APBB2: variants seen among roughly 807,000 people sequenced by gnomAD.
The protein encoded by APBB2 is Fe65-like 1.
Under a neutral mutation model 82.5 loss-of-function variants are expected in APBB2, and 38 were observed. The ratio of observed to expected loss-of-function variants is 0.46; its 90% confidence interval spans 0.36 to 0.60. The LOEUF (loss-of-function observed/expected upper bound fraction) is 0.60, where lower values mean the gene tolerates loss of function less well. Among genes scored for constraint, APBB2 ranks in the 20% least tolerant of loss-of-function variants. The pLI, the probability that APBB2 is intolerant of heterozygous loss-of-function variation, is 0.00. For missense variants in APBB2, 772 were observed against 972.3 expected (o/e 0.79, Z 2.74); for synonymous variants, 341 against 368.2 (o/e 0.93, Z 0.85).
rs1772616138 is a variant in APBB2, at chr4:40,893,318, GC to G, written c.1347del (p.Arg449SerfsTer25). ...ATGTCATTTTTGCAGTAGGAAAGTT[GC>G]CTGATGCAGTTGTTGACCGCAACAC... is the stretch of plus-strand genomic sequence containing the variant. ...KSSVAVNNCI[R>X]QLSYCKNDIR... On this transcript the variant is annotated frameshift_variant, in exon 11 of 18. Transcript: ENST00000508593. LOFTEE classifies it high-confidence loss of function. The G allele has an allele frequency of 6.2e-7, 1 of 1,613,716 alleles. No individual in the cohort carries two copies. Among genetic ancestry groups the G allele is most frequent in the South Asian group, 1.1e-5 (1 of 90,964 alleles).
At chr4:40,940,578 A>C (rs567957178) in intron 7 of APBB2, among the ~76,000 whole-genome samples, 2 of 152,312 alleles carry the variant, frequency 1.3e-5, no homozygotes, top group African/African-American at 4.8e-5. Flanking sequence ...TGTATATGAG[A>C]ATACACAGGC....
intron 10 of APBB2, among the ~76,000 whole-genome samples, chr4:40,893,991 A>G (rs948866295): frequency 2.0e-5 from 3 of 150,984 alleles, no homozygotes; most frequent in African/African-American, 7.3e-5. Flanking sequence ...ACAACAAAAA[A>G]AGAATAGATT....
At chr4:40,841,529 T>G (rs1466305275) in intron 12 of APBB2, among the ~76,000 whole-genome samples, 3 of 152,178 alleles carry the variant, frequency 2.0e-5, no homozygotes, top group Non-Finnish European at 2.9e-5. Context: ...GGTTCTATCC[T>G]TCTTGTGGTG....
rs1744588329 is a variant in APBB2 at position 40,812,406 on chromosome 4, A to C, written c.*3686T>G. 1 of 152,228 alleles carries C rather than the reference A, an allele frequency of 6.6e-6. No individual in the cohort carries two copies. Among genetic ancestry groups the C allele is most frequent in the Non-Finnish European group, 1.5e-5 (1 of 68,034 alleles). 9.4% of individuals were successfully genotyped at this position (152,228 alleles called of 1,614,324 possible). A position where few individuals can be genotyped will look rare whatever the true frequency, so the allele number is the denominator to read the frequency against. ...GAAAACAAAGCGTTCTTTCAGGGGA[A>C]GTAAGCTGCTCTGGAGGCCAGGAAC... On this transcript the variant is annotated 3_prime_UTR_variant, in exon 18 of 18. Transcript: ENST00000508593.
intron 1 of APBB2, among the ~76,000 whole-genome samples, chr4:41,150,593 C>T (rs1019195888): frequency 1.3e-5 from 2 of 152,186 alleles, no homozygotes; most frequent in African/African-American, 2.4e-5. Context: ...TGAAGCCTTC[C>T]CCAGTATAGC....
intron 12 of APBB2, chr4:40,880,397 G>A (rs968972477): frequency 6.0e-5 from 59 of 985,284 alleles, no homozygotes; most frequent in Non-Finnish European, 6.7e-5. Flanking sequence ...AAGGTTCCAG[G>A]TGACAACTCG....
rs970806194 is a variant in APBB2 at position 41,169,568 on chromosome 4, T to C, written c.-416-26426A>G. 2.6e-5 allele frequency among the ~76,000 whole-genome samples: 4 copies of C among 152,216 alleles called. No individual in the cohort carries two copies. The South Asian group carries it at 6.2e-4, about 24-fold the overall frequency. ...TGGGTAGTGATTTCATTTTCCTAAA[T>C]GGTTGTCAAAGCTTTGCATACTAAA... On this transcript the variant is annotated intron_variant, in intron 1 of 17. Transcript: ENST00000508593.
At chr4:41,176,918 C>G (rs1769960785) in intron 1 of APBB2, among the ~76,000 whole-genome samples, 2 of 151,408 alleles carry the variant, frequency 1.3e-5, no homozygotes, top group Admixed American at 1.3e-4. Flanking sequence ...TACTTCAGGA[C>G]TTAGCTGAAT....
intron 12 of APBB2, among the ~76,000 whole-genome samples, chr4:40,853,052 TAAAC>T (rs1335544216): frequency 2.0e-5 from 3 of 152,148 alleles, no homozygotes; most frequent in Non-Finnish European, 4.4e-5. Flanking sequence ...TCTACAGACA[TAAAC>T]AACGCATCAA....
chr4:40,980,766 C>T (rs1798265386), intron 6 of APBB2, among the ~76,000 whole-genome samples: 1 of 152,122 alleles, frequency 6.6e-6, no homozygotes, highest in Non-Finnish European at 1.5e-5. Context: ...GGTATAAGGA[C>T]CAAAGAAGGC....
chr4:40,997,443 T>C (rs979722605), intron 6 of APBB2, among the ~76,000 whole-genome samples: 3 of 152,208 alleles, frequency 2.0e-5, no homozygotes, highest in Non-Finnish European at 4.4e-5. Context: ...TAAGCATCAC[T>C]CATGTTTCAT....
intron 5 of APBB2, among the ~76,000 whole-genome samples, chr4:41,021,980 GAAGA>G (rs1161526547): frequency 3.9e-5 from 6 of 152,090 alleles, no homozygotes; most frequent in Non-Finnish European, 8.8e-5. Context: ...GAACCCACTG[GAAGA>G]AAGAAACTCT....
intron 10 of APBB2, among the ~76,000 whole-genome samples, chr4:40,917,049 G>C (rs902294143): frequency 6.6e-6 from 1 of 152,170 alleles, no homozygotes; most frequent in Non-Finnish European, 1.5e-5. Flanking sequence ...GGTCAAGTCA[G>C]GGCGGCAACT....
intron 12 of APBB2, among the ~76,000 whole-genome samples, chr4:40,889,621 A>C (rs1011445469): frequency 6.6e-6 from 1 of 152,260 alleles, no homozygotes; most frequent in Non-Finnish European, 1.5e-5. Flanking sequence ...AACTGCATTT[A>C]ATGTAGACCA....
chr4:40,909,182 G>C (rs1777888245), intron 10 of APBB2, among the ~76,000 whole-genome samples: 4 of 152,190 alleles, frequency 2.6e-5, no homozygotes, highest in Admixed American at 2.6e-4. Flanking sequence ...TGCAATGCCT[G>C]CCCCACAGCG....
intron 2 of APBB2, among the ~76,000 whole-genome samples, chr4:41,123,786 G>A (rs1753567704): frequency 1.3e-5 from 2 of 151,896 alleles, no homozygotes; most frequent in Admixed American, 1.3e-4. Context: ...TGGCACCACT[G>A]CACTCCAGCC....
intron 10 of APBB2, among the ~76,000 whole-genome samples, chr4:40,905,735 G>A (rs34356249): frequency 0.21 from 31,909 of 152,118 alleles, 4,311 homozygotes; most frequent in East Asian, 0.5. Context: ...GATGACATTC[G>A]GCATCTACTT....
intron 10 of APBB2, among the ~76,000 whole-genome samples, chr4:40,904,635 T>C (rs950904839): frequency 6.6e-6 from 1 of 151,336 alleles, no homozygotes; most frequent in African/African-American, 2.4e-5. Flanking sequence ...GCAGAAACGA[T>C]CACTGTCATT....
intron 5 of APBB2, among the ~76,000 whole-genome samples, chr4:41,026,300 T>C (rs1436079058): frequency 6.6e-6 from 1 of 152,212 alleles, no homozygotes; most frequent in African/African-American, 2.4e-5. Flanking sequence ...TTTACCTATG[T>C]AACAAACCTT....
Sources: gnomAD v4.1 joint callset for allele counts (sites outside exome capture counted in the v4.1 genomes callset) on GRCh38, gnomAD v4.1.1 for gene constraint, MANE v1.5 for transcripts, NCBI Gene and HGNC (gene_info 2026-07-23, HGNC 2026-07-21) for gene names.